Variants in DPP6 observed in about 807,000 individuals in gnomAD.
DPP6 encodes the protein dipeptidyl peptidase like 6.
A neutral mutation model predicts 122.6 loss-of-function variants in DPP6; 69 were observed. The observed-to-expected ratio is 0.56, with a 90% CI of 0.46 to 0.69. The LOEUF is 0.69. Among genes scored for constraint, DPP6 ranks in the 30% least tolerant of loss-of-function variants. The pLI, the probability that DPP6 is intolerant of heterozygous loss-of-function variation, is 0.00. For synonymous variants in DPP6, 418 were observed against 433.1 expected (o/e 0.97, Z 0.43); for missense variants, 928 against 1,116.9 (o/e 0.83, Z 2.41).
At chr7:154,530,129 G>GA (rs912681590) in intron 3 of DPP6, among the ~76,000 whole-genome samples, 51 of 104,236 alleles carry the variant, frequency 4.9e-4, no homozygotes, top group South Asian at 8.7e-4. Flanking sequence ...TGTCTCAAAA[G>GA]AAAAAAAAAA....
chr7:154,057,399 G>C (rs10244835), intron 1 of DPP6: 30,782 of 217,756 alleles, frequency 0.14, 237 homozygotes, highest in Non-Finnish European at 0.22. Flanking sequence ...GGCTTAGGAC[G>C]CCCATCGGGG....
chr7:154,631,209 C>T (rs1835387886), intron 5 of DPP6, among the ~76,000 whole-genome samples: 1 of 152,094 alleles, frequency 6.6e-6, no homozygotes, highest in African/African-American at 2.4e-5. Flanking sequence ...CCTGGGATGG[C>T]AGGTTGGTGC....
At chr7:154,206,270 C>T (rs1485703721) in intron 1 of DPP6, among the ~76,000 whole-genome samples, 4 of 152,232 alleles carry the variant, frequency 2.6e-5, no homozygotes, top group South Asian at 4.1e-4. Flanking sequence ...TGCCGGTCCT[C>T]GGCCCTTGTT....
At chr7:154,410,317 G>A (rs554291083) in intron 1 of DPP6, among the ~76,000 whole-genome samples, 2 of 152,292 alleles carry the variant, frequency 1.3e-5, no homozygotes, top group African/African-American at 4.8e-5. Context: ...GTGGATTCTG[G>A]AAAAAGCAAT....
At chr7:153,992,462 A>G (rs1797225339) in intron 1 of DPP6, among the ~76,000 whole-genome samples, 1 of 151,788 alleles carries the variant, frequency 6.6e-6, no homozygotes, top group Admixed American at 6.6e-5. Context: ...TTCTTTCTCC[A>G]GTGTAAGTGT....
At chr7:154,262,232 G>A (rs916429317) in intron 1 of DPP6, among the ~76,000 whole-genome samples, 3 of 152,126 alleles carry the variant, frequency 2.0e-5, no homozygotes, top group African/African-American at 4.8e-5. Flanking sequence ...AGTGTTGTGT[G>A]GACTCCCCAC....
At chr7:154,074,080 G>GAGATATATAGATATCTATATAGAGAT (rs1803348304) in intron 1 of DPP6, among the ~76,000 whole-genome samples, 1 of 109,278 alleles carries the variant, frequency 9.2e-6, no homozygotes, top group Non-Finnish European at 1.9e-5. Flanking sequence ...CATATAGAGA[G>GAGATATATAGATATCTATATAGAGAT]AGATATATAG....
intron 1 of DPP6, among the ~76,000 whole-genome samples, chr7:154,135,385 T>C (rs1438425253): frequency 2.0e-5 from 3 of 151,844 alleles, no homozygotes; most frequent in Admixed American, 6.5e-5. Context: ...ATCTGTGCAC[T>C]TCCTTTGAGC....
Position 154,850,394 on chromosome 7 carries a change from T to C in DPP6, c.1667-3386T>C, listed in dbSNP as rs919593848. The stretch of plus-strand genomic sequence containing the variant: ...GTTCATCAGGCATATTAGACTGTAG[T>C]TGGGGTTTTTGGCGGGGGTGGGGGA... On this transcript the variant is annotated intron_variant, in intron 16 of 25. Transcript: ENST00000377770. Among the ~76,000 whole-genome samples the C allele has an allele frequency of 2.0e-5, 3 of 152,090 alleles. 1 individual carries two copies. The highest frequency in any genetic ancestry group is 4.4e-5 in the Non-Finnish European group (3 of 68,008).
At chr7:154,804,858 G>A in intron 14 of DPP6, 59 bp from the exon 15 acceptor site, 4 of 1,564,090 alleles carry the variant, frequency 2.6e-6, no homozygotes, top group East Asian at 2.4e-5. Flanking sequence ...TGCCAGGAAT[G>A]TGAAGTGCAG....
intron 1 of DPP6, among the ~76,000 whole-genome samples, chr7:154,053,900 A>C (rs1800603974): frequency 6.8e-6 from 1 of 147,550 alleles, no homozygotes; most frequent in Non-Finnish European, 1.5e-5. Flanking sequence ...CGGACCTTAG[A>C]TGGATGCGTT....
intron 1 of DPP6, among the ~76,000 whole-genome samples, chr7:154,206,944 G>T (rs183008347): frequency 6.6e-6 from 1 of 152,358 alleles, no homozygotes. Flanking sequence ...GAGCATTCAT[G>T]AAGGTATGCA....
rs182460094 is a variant in DPP6, at chr7:154,760,135, A to T, written c.884-9282A>T. On this transcript the variant is annotated intron_variant, in intron 8 of 25. Transcript: ENST00000377770. This position sits in a 1 kb window ranked among gnomAD's most constrained non-coding sequence, Gnocchi z 4.5. Reference sequence around the variant, plus strand: ...GAGATTCTGTCTCAAAACAAAAAAAAGTCTATTCCCAAGGAGACAGGCATC... The same window carrying T: ...GAGATTCTGTCTCAAAACAAAAAAATGTCTATTCCCAAGGAGACAGGCATC... Among the ~76,000 whole-genome samples the T allele has an allele frequency of 6.6e-6, 1 of 152,208 alleles. No individual in the cohort carries two copies. Among genetic ancestry groups the T allele is most frequent in the Non-Finnish European group, 1.5e-5 (1 of 68,034 alleles).
rs1823468397 is a variant in DPP6 at position 154,483,161 on chromosome 7, T to C, written c.457+8124T>C. On this transcript the variant is annotated intron_variant, in intron 3 of 25. Coordinates refer to ENST00000377770, the MANE Select transcript of DPP6 (RefSeq NM_130797.4). This position sits in a 1 kb window ranked among gnomAD's most constrained non-coding sequence, Gnocchi z 8.1. ...GTCAGGGAGGCAGGAGGAGAACTTC[T>C]ACCACGCCACGTCAAAGTCAAGGCA... 6.6e-6 allele frequency among the ~76,000 whole-genome samples: 1 copy of C among 152,020 alleles called. No homozygotes were observed. The highest frequency in any genetic ancestry group is 2.1e-4 in the South Asian group (1 of 4,820).
At chr7:154,805,942 G>A (rs142642267) in intron 15 of DPP6, among the ~76,000 whole-genome samples, 4 of 152,214 alleles carry the variant, frequency 2.6e-5, no homozygotes, top group African/African-American at 4.8e-5. Flanking sequence ...GGCCAGTGGC[G>A]CATTGTCTAA....
At chr7:153,904,296 C>A (rs1799757042) in intron 1 of DPP6, among the ~76,000 whole-genome samples, 1 of 152,168 alleles carries the variant, frequency 6.6e-6, no homozygotes, top group South Asian at 2.1e-4. Context: ...AAGTGATATG[C>A]CCGCCTCAGC....
intron 1 of DPP6, among the ~76,000 whole-genome samples, chr7:154,174,438 A>T (rs1175733133): frequency 6.6e-6 from 1 of 152,252 alleles, no homozygotes; most frequent in Non-Finnish European, 1.5e-5. Flanking sequence ...CCAGATCTCC[A>T]GTGCACGGCA....
At chr7:154,223,433 A>G (rs1800418182) in intron 1 of DPP6, among the ~76,000 whole-genome samples, 1 of 149,376 alleles carries the variant, frequency 6.7e-6, no homozygotes, top group Non-Finnish European at 1.5e-5. Context: ...ATCAAGTGTA[A>G]CTACATAAGC....
intron 3 of DPP6, among the ~76,000 whole-genome samples, chr7:154,513,927 A>G (rs906567452): frequency 5.3e-5 from 8 of 152,098 alleles, no homozygotes; most frequent in African/African-American, 1.9e-4. Context: ...GCTGATTTTT[A>G]TTTCTAAAGC....
Sources: gnomAD v4.1 joint callset for allele counts (sites outside exome capture counted in the v4.1 genomes callset) on GRCh38, gnomAD v4.1.1 for gene constraint, Gnocchi (gnomAD v3.1) non-coding constraint, MANE v1.5 for transcripts, NCBI Gene and HGNC (gene_info 2026-07-23, HGNC 2026-07-21) for gene names.